XRN1: variants seen among roughly 807,000 people sequenced by gnomAD.
XRN1 encodes the protein strand-exchange protein 1 homolog.
A neutral mutation model predicts 222.3 loss-of-function variants in XRN1; 67 were observed. That is an observed-to-expected ratio of 0.30 (90% CI 0.25 to 0.37). XRN1 has a LOEUF of 0.37. Among genes scored for constraint, XRN1 ranks in the 10% least tolerant of loss-of-function variants. XRN1 has a pLI of 1.00. For synonymous variants in XRN1, 643 were observed against 652.4 expected (o/e 0.99, Z 0.22); for missense variants, 1,707 against 2,000.2 (o/e 0.85, Z 2.80).
At chr3:142,421,643 C>T in intron 8 of XRN1, 100 bp from the exon 9 acceptor site, 2 of 784,342 alleles carry the variant, frequency 2.5e-6, no homozygotes, top group South Asian at 2.3e-5. Flanking sequence ...TCATGTTCTA[C>T]AGTACTAATC....
chr3:142,410,129 C>T (rs1347110117), intron 15 of XRN1, among the ~76,000 whole-genome samples: 2 of 152,154 alleles, frequency 1.3e-5, no homozygotes, highest in African/African-American at 4.8e-5. Flanking sequence ...CACACTGGAC[C>T]TCCAGTAAAA....
intron 15 of XRN1, among the ~76,000 whole-genome samples, chr3:142,408,058 A>G (rs1359582442): frequency 6.6e-6 from 1 of 152,188 alleles, no homozygotes; most frequent in African/African-American, 2.4e-5. Flanking sequence ...CTAATAGCAT[A>G]CTCTTCTAAA....
In XRN1 at chr3:142,421,633, T is replaced by C. The variant is rs4462984; in HGVS notation, c.968-90A>G. 0.018 allele frequency: 17,433 copies of C among 973,018 alleles called. 2,086 individuals carry two copies. The African/African-American group carries it at 0.26, about 14-fold the overall frequency. The allele number at this position is 973,018 out of a possible 1,614,324, so 60.3% of individuals were successfully genotyped here. A position where few individuals can be genotyped will look rare whatever the true frequency, so the allele number is the denominator to read the frequency against. On this transcript the variant is annotated intron_variant, in intron 8 of 40. Coordinates refer to ENST00000392981, the MANE Select transcript of XRN1 (RefSeq NM_001282857.2). ...ACTCTTTCTACAAAATGTTGAATGT[T>C]CATGTTCTACAGTACTAATCAAGAA...
At chr3:142,411,106 T>C (rs917660972) in intron 15 of XRN1, among the ~76,000 whole-genome samples, 3 of 152,212 alleles carry the variant, frequency 2.0e-5, no homozygotes, top group East Asian at 1.9e-4. Context: ...ATCTAGGTTG[T>C]TGAATTTGTT....
chr3:142,377,106 CT>C (rs1384399035), intron 23 of XRN1, among the ~76,000 whole-genome samples: 1 of 151,646 alleles, frequency 6.6e-6, no homozygotes, highest in African/African-American at 2.4e-5. Context: ...TTCTTTTCCC[CT>C]AATATTTACT....
At chr3:142,401,591 G>A (rs1438919949) in intron 18 of XRN1, among the ~76,000 whole-genome samples, 1 of 152,010 alleles carries the variant, frequency 6.6e-6, no homozygotes, top group African/African-American at 2.4e-5. Flanking sequence ...GGTGACAGGA[G>A]CCTGTAATTC....
chr3:142,328,701 TATTATATATATATATATATATATATA>T (rs2065592187), intron 37 of XRN1, among the ~76,000 whole-genome samples: 2 of 86,448 alleles, frequency 2.3e-5, no homozygotes, highest in African/African-American at 8.2e-5. Flanking sequence ...TTACTTGTAA[TATTATATATATATATATATATATATA>T]TATATATATA....
At chr3:142,327,267 G>A (rs1281041940) in intron 37 of XRN1, among the ~76,000 whole-genome samples, 4 of 151,954 alleles carry the variant, frequency 2.6e-5, no homozygotes, top group East Asian at 1.9e-4. Context: ...TTTTACTACC[G>A]CTTCCATCTT....
chr3:142,400,913 T>C (rs1019941998), intron 18 of XRN1, among the ~76,000 whole-genome samples: 10 of 151,448 alleles, frequency 6.6e-5, no homozygotes, highest in Non-Finnish European at 1.5e-5. Flanking sequence ...CAAGACTCCG[T>C]CTCAAAAATA....
intron 2 of XRN1, among the ~76,000 whole-genome samples, chr3:142,427,604 A>G (rs1559875554): frequency 1.3e-5 from 2 of 152,218 alleles, no homozygotes; most frequent in Admixed American, 6.6e-5. Flanking sequence ...TAAAATTGAA[A>G]TATCTATCTT....
chr3:142,409,113 T>C (rs962626530), intron 15 of XRN1, among the ~76,000 whole-genome samples: 1 of 152,238 alleles, frequency 6.6e-6, no homozygotes, highest in African/African-American at 2.4e-5. Context: ...GTGTATGTTC[T>C]GCATATATTT....
chr3:142,337,736 A>C (rs990924358), intron 33 of XRN1, among the ~76,000 whole-genome samples: 2 of 152,212 alleles, frequency 1.3e-5, no homozygotes, highest in African/African-American at 4.8e-5. Flanking sequence ...AGTATATAAT[A>C]GGCAAGTGTT....
chr3:142,332,758 G>T, intron 35 of XRN1: 1 of 770,954 alleles, frequency 1.3e-6, no homozygotes, highest in African/African-American at 1.8e-5. Context: ...TTACCTAGTA[G>T]CAATGTTTGA....
intron 1 of XRN1, among the ~76,000 whole-genome samples, chr3:142,441,611 G>A (rs775652881): frequency 6.6e-6 from 1 of 152,152 alleles, no homozygotes; most frequent in Non-Finnish European, 1.5e-5. Flanking sequence ...AATAATACAG[G>A]GAAGAGATCT....
At chr3:142,438,073 G>T (rs1001191374) in intron 1 of XRN1, among the ~76,000 whole-genome samples, 4 of 152,180 alleles carry the variant, frequency 2.6e-5, no homozygotes, top group African/African-American at 7.2e-5. Context: ...TAGAGAAAAG[G>T]GAACCCTCAT....
In XRN1 at chr3:142,307,954, A is replaced by T. The variant is rs1291155077; in HGVS notation, c.*3557T>A. The T allele has an allele frequency of 6.6e-6, 1 of 152,236 alleles. No individual in the cohort carries two copies. The highest frequency in any genetic ancestry group is 2.4e-5 in the African/African-American group (1 of 41,456). The allele number at this position is 152,236 out of a possible 1,614,324, so 9.4% of individuals were successfully genotyped here. A position where few individuals can be genotyped will look rare whatever the true frequency, so the allele number is the denominator to read the frequency against. On this transcript the variant is annotated 3_prime_UTR_variant, in exon 41 of 41. Transcript: ENST00000392981. ...TTAATTGTCTTCTACAGTAAAAACA[A>T]AATTTGGAAGCAACATGATACCAAG...
chr3:142,308,159 C>T lies in XRN1; in HGVS notation c.*3352G>A, dbSNP rs912163642. ...ACAGTTATGACTAACACAAATAGAA[C>T]ACATAAATAAAAAGTGAGTAAAAAA... On this transcript the variant is annotated 3_prime_UTR_variant, in exon 41 of 41. Coordinates refer to ENST00000392981, the MANE Select transcript of XRN1 (RefSeq NM_001282857.2). The T allele has an allele frequency of 2.0e-5, 3 of 152,116 alleles. No individual in the cohort carries two copies. The highest frequency in any genetic ancestry group is 7.2e-5 in the African/African-American group (3 of 41,436). The allele number at this position is 152,116 out of a possible 1,614,324, so 9.4% of individuals were successfully genotyped here.
At chr3:142,343,386 G>A (rs975505629) in intron 33 of XRN1, among the ~76,000 whole-genome samples, 1 of 151,514 alleles carries the variant, frequency 6.6e-6, no homozygotes, top group African/African-American at 2.4e-5. Flanking sequence ...CCAGTGAGGC[G>A]AAGATTTCAG....
At position 142,310,842 on chromosome 3, in the gene XRN1, T is replaced by C. The variant is rs2065059062; in HGVS notation, c.*669A>G. 1 of 152,628 alleles carries C rather than the reference T, an allele frequency of 6.6e-6. No individual in the cohort carries two copies. The highest frequency in any genetic ancestry group is 2.1e-4 in the South Asian group (1 of 4,834). 9.5% of individuals were successfully genotyped at this position (152,628 alleles called of 1,614,324 possible). On this transcript the variant is annotated 3_prime_UTR_variant, in exon 41 of 41. Coordinates refer to ENST00000392981, the MANE Select transcript of XRN1 (RefSeq NM_001282857.2). The stretch of plus-strand genomic sequence containing the variant: ...TTACTCAAATTTAGAATGCTATTTA[T>C]AGTTCTAAGCAGTTAGATGAAATAT...
Sources: allele counts gnomAD v4.1 joint callset (sites outside exome capture counted in the v4.1 genomes callset), GRCh38; gene constraint gnomAD v4.1.1; transcripts MANE v1.5; gene names NCBI Gene and HGNC (gene_info 2026-07-23, HGNC 2026-07-21).